The following SLC10A7 variants were observed in gnomAD, a reference collection of about 807,000 sequenced individuals.
The protein encoded by SLC10A7 is solute carrier family 10 member 7, also known as sodium/bile acid cotransporter 7.
In SLC10A7, 29 loss-of-function variants were observed where a neutral mutation model predicts 43.2. That is an observed-to-expected ratio of 0.67 (90% CI 0.50 to 0.92). The LOEUF is 0.92. Ranked by LOEUF, SLC10A7 falls within the 40% of genes least tolerant of loss-of-function variation. The pLI is 0.00. For synonymous variants in SLC10A7, 152 were observed against 144.8 expected (o/e 1.05, Z -0.35); for missense variants, 295 against 403.2 (o/e 0.73, Z 2.30).
intron 7 of SLC10A7, among the ~76,000 whole-genome samples, chr4:146,298,775 C>G (rs1349967296): frequency 1.3e-5 from 2 of 152,176 alleles, no homozygotes; most frequent in African/African-American, 4.8e-5. Context: ...AAGGAACAAT[C>G]TCCTAACCAT....
At chr4:146,303,669 C>A (rs554081374) in intron 7 of SLC10A7, among the ~76,000 whole-genome samples, 1 of 152,048 alleles carries the variant, frequency 6.6e-6, no homozygotes, top group African/African-American at 2.4e-5. Flanking sequence ...CGTGAGCCAC[C>A]GAGCCCAGCC....
intron 4 of SLC10A7, among the ~76,000 whole-genome samples, chr4:146,484,079 C>T (rs79663617): frequency 7.7e-4 from 118 of 152,282 alleles, no homozygotes; most frequent in Middle Eastern, 3.4e-3. Flanking sequence ...AGGCCAGGTG[C>T]AGTGGCTCAC....
chr4:146,335,424 C>A (rs1252261072), intron 5 of SLC10A7, among the ~76,000 whole-genome samples: 11 of 151,958 alleles, frequency 7.2e-5, no homozygotes, highest in Non-Finnish European at 1.3e-4. Context: ...AAGCAGTGGA[C>A]TGCATTCCAG....
At chr4:146,270,374 C>A (rs1035735744) in intron 10 of SLC10A7, among the ~76,000 whole-genome samples, 8 of 152,148 alleles carry the variant, frequency 5.3e-5, no homozygotes, top group African/African-American at 1.9e-4. Context: ...AGAATTAGTA[C>A]ACAAATGGTC....
chr4:146,384,513 A>G (rs529622122), intron 5 of SLC10A7, among the ~76,000 whole-genome samples: 5 of 152,244 alleles, frequency 3.3e-5, no homozygotes, highest in African/African-American at 1.2e-4. Flanking sequence ...GAAAGAACAC[A>G]TGGTCAAAAA....
At chr4:146,336,970 A>G (rs1028433649) in intron 5 of SLC10A7, among the ~76,000 whole-genome samples, 8 of 152,068 alleles carry the variant, frequency 5.3e-5, no homozygotes, top group African/African-American at 1.9e-4. Flanking sequence ...GCAAACCTTC[A>G]GGCAATGTAA....
At chr4:146,516,450 AC>A (rs1737975806) in intron 2 of SLC10A7, among the ~76,000 whole-genome samples, 1 of 148,462 alleles carries the variant, frequency 6.7e-6, no homozygotes, top group South Asian at 2.2e-4. Context: ...CACTTTTGAC[AC>A]ATATATGTAT....
At chr4:146,347,655 C>T (rs1424042443) in intron 5 of SLC10A7, among the ~76,000 whole-genome samples, 3 of 152,056 alleles carry the variant, frequency 2.0e-5, no homozygotes, top group Admixed American at 6.6e-5. Context: ...GGAGTTATTT[C>T]TATGCAAAAA....
intron 5 of SLC10A7, among the ~76,000 whole-genome samples, chr4:146,335,401 T>G (rs1733828218): frequency 6.6e-6 from 1 of 151,758 alleles, no homozygotes; most frequent in Admixed American, 6.6e-5. Flanking sequence ...TGGGCTCGAA[T>G]GGATGCCTGC....
intron 3 of SLC10A7, among the ~76,000 whole-genome samples, chr4:146,505,686 T>G (rs1423772796): frequency 6.6e-6 from 1 of 152,192 alleles, no homozygotes; most frequent in Non-Finnish European, 1.5e-5. Context: ...TCAGTTCCAT[T>G]TAATATGGTC....
intron 10 of SLC10A7, among the ~76,000 whole-genome samples, chr4:146,267,533 T>A (rs112470981): frequency 0.01 from 1,538 of 152,332 alleles, 9 homozygotes; most frequent in Middle Eastern, 0.044. Flanking sequence ...CCATGGTATT[T>A]TAACATGCAG....
chr4:146,510,516 C>T (rs759129305), intron 2 of SLC10A7, among the ~76,000 whole-genome samples: 2 of 152,116 alleles, frequency 1.3e-5, no homozygotes, highest in Non-Finnish European at 2.9e-5. Flanking sequence ...CCCTCAGCTT[C>T]CCAAAGTGCT....
chr4:146,449,068 T>C (rs1210486434), intron 4 of SLC10A7, among the ~76,000 whole-genome samples: 2 of 152,310 alleles, frequency 1.3e-5, no homozygotes, highest in East Asian at 1.9e-4. Context: ...CTCTGTTCCA[T>C]GCTGGATGTT....
At chr4:146,433,757 G>A (rs555521821) in intron 5 of SLC10A7, among the ~76,000 whole-genome samples, 1 of 152,180 alleles carries the variant, frequency 6.6e-6, no homozygotes, top group South Asian at 2.1e-4. Context: ...CCCAGTTGAG[G>A]TGGGAGGATC....
chr4:146,503,228 G>A (rs553932777), intron 4 of SLC10A7, among the ~76,000 whole-genome samples: 107 of 152,224 alleles, frequency 7.0e-4, no homozygotes, highest in Middle Eastern at 3.4e-3. Flanking sequence ...AGTAGAAAAG[G>A]AGAAATAAGC....
chr4:146,487,850 C>A (rs1195154208), intron 4 of SLC10A7, among the ~76,000 whole-genome samples: 1 of 151,212 alleles, frequency 6.6e-6, no homozygotes, highest in East Asian at 2.0e-4. Context: ...TTGTTTGAGC[C>A]CAGGAGTTGG....
chr4:146,448,476 T>G (rs1731303179), intron 4 of SLC10A7, among the ~76,000 whole-genome samples: 1 of 152,182 alleles, frequency 6.6e-6, no homozygotes, highest in South Asian at 2.1e-4. Context: ...TGCTGACTCC[T>G]ACCCAAGTCT....
intron 10 of SLC10A7, among the ~76,000 whole-genome samples, chr4:146,262,989 T>C (rs1728329418): frequency 6.6e-6 from 1 of 152,274 alleles, no homozygotes; most frequent in Non-Finnish European, 1.5e-5. Flanking sequence ...TCACTACTTC[T>C]CTGCTCTTTG....
At chr4:146,494,687 T>C (rs1735737463) in intron 4 of SLC10A7, among the ~76,000 whole-genome samples, 1 of 152,116 alleles carries the variant, frequency 6.6e-6, no homozygotes, top group Non-Finnish European at 1.5e-5. Context: ...GAATCAGTCA[T>C]GAATCTCCAT....
Sources: gnomAD v4.1 joint callset for allele counts (sites outside exome capture counted in the v4.1 genomes callset) on GRCh38, gnomAD v4.1.1 for gene constraint, MANE v1.5 for transcripts, NCBI Gene and HGNC (gene_info 2026-07-23, HGNC 2026-07-21) for gene names.